KALRN: variants seen among roughly 807,000 people sequenced by gnomAD.
KALRN encodes kalirin.
Under a neutral mutation model 353.7 loss-of-function variants are expected in KALRN, and 70 were observed. That is an observed-to-expected ratio of 0.20 (90% CI 0.16 to 0.24). The LOEUF is 0.24. Among genes scored for constraint, KALRN ranks in the 10% least tolerant of loss-of-function variants. The pLI, the probability that KALRN is intolerant of heterozygous loss-of-function variation, is 1.00. For missense variants in KALRN, 2,791 were observed against 3,756.7 expected (o/e 0.74, Z 6.72); for synonymous variants, 1,391 against 1,434.8 (o/e 0.97, Z 0.69).
At chr3:124,221,959 C>T (rs1319526080) in intron 1 of KALRN, among the ~76,000 whole-genome samples, 1 of 152,118 alleles carries the variant, frequency 6.6e-6, no homozygotes, top group African/African-American at 2.4e-5. Context: ...GTGGGCGCAC[C>T]CCTCCTTTCT....
At chr3:124,368,136 G>A (rs1317587077) in intron 10 of KALRN, among the ~76,000 whole-genome samples, 4 of 83,064 alleles carry the variant, frequency 4.8e-5, no homozygotes, top group Admixed American at 2.3e-4. Flanking sequence ...GGCCAGGCGG[G>A]GGGCTGACCC....
At chr3:124,339,707 A>G (rs2149495729) in intron 9 of KALRN, among the ~76,000 whole-genome samples, 1 of 152,342 alleles carries the variant, frequency 6.6e-6, no homozygotes, top group Middle Eastern at 3.4e-3. Flanking sequence ...TAGATGCCTG[A>G]TGGCATATAG....
chr3:124,294,212 T>G (rs2149171078), intron 5 of KALRN, among the ~76,000 whole-genome samples: 1 of 152,068 alleles, frequency 6.6e-6, no homozygotes, highest in South Asian at 2.1e-4. Context: ...TTCAGCTAAC[T>G]TTTAGGGATA....
intron 1 of KALRN, among the ~76,000 whole-genome samples, chr3:124,092,697 A>G (rs2061190845): frequency 6.6e-6 from 1 of 152,206 alleles, no homozygotes. Flanking sequence ...CAGGGAGGAG[A>G]CAGATGGGCA....
At chr3:124,300,741 A>G (rs955187027) in intron 6 of KALRN, among the ~76,000 whole-genome samples, 2 of 152,222 alleles carry the variant, frequency 1.3e-5, no homozygotes, top group Non-Finnish European at 2.9e-5. Context: ...ACTTGCATAG[A>G]AAGATCACTC....
chr3:124,068,038 A>G (rs1028518311), intron 1 of KALRN, among the ~76,000 whole-genome samples: 1 of 152,234 alleles, frequency 6.6e-6, no homozygotes, highest in Non-Finnish European at 1.5e-5. Context: ...TATGGGGCCC[A>G]GCTAGACTTA....
At chr3:124,356,275 T>A (rs2083392920) in intron 10 of KALRN, among the ~76,000 whole-genome samples, 1 of 152,010 alleles carries the variant, frequency 6.6e-6, no homozygotes, top group East Asian at 1.9e-4. Context: ...CTGTATTATT[T>A]ATTGCTAAAT....
At chr3:124,580,947 A>ATAATAGTAAT (rs2074568043) in intron 34 of KALRN, among the ~76,000 whole-genome samples, 1 of 147,530 alleles carries the variant, frequency 6.8e-6, no homozygotes, top group African/African-American at 2.5e-5. Flanking sequence ...GTCTCTATTA[A>ATAATAGTAAT]AATAATAATA....
intron 34 of KALRN, among the ~76,000 whole-genome samples, chr3:124,604,772 A>T (rs2077154565): frequency 6.6e-6 from 1 of 151,870 alleles, no homozygotes; most frequent in Non-Finnish European, 1.5e-5. Context: ...CTGCAGCCTC[A>T]AACTACTGCA....
intron 1 of KALRN, among the ~76,000 whole-genome samples, chr3:124,215,893 C>T (rs1198584215): frequency 2.0e-5 from 3 of 152,206 alleles, no homozygotes; most frequent in Non-Finnish European, 4.4e-5. Context: ...TCCAGCAGAT[C>T]TTGTTAAACA....
rs1427983998 is a variant in KALRN, at chr3:124,662,331, G to A, written c.6345+403G>A. ...CAGCCCTCCCACCTCAGCCTCCTGA[G>A]AAGCTGGACTCCAGTCACACACCAC... On this transcript the variant is annotated intron_variant, in intron 45 of 59. Transcript: ENST00000682506. Among the ~76,000 whole-genome samples the A allele has an allele frequency of 2.6e-5, 4 of 151,072 alleles. No individual in the cohort carries two copies. In the East Asian group the frequency reaches 7.9e-4, roughly 30 times the overall value.
chr3:124,243,771 A>G (rs1462618383), intron 3 of KALRN, among the ~76,000 whole-genome samples: 3 of 152,228 alleles, frequency 2.0e-5, no homozygotes, highest in African/African-American at 4.8e-5. Context: ...TAAAATAGGC[A>G]TAAAGATATT....
chr3:124,418,034 G>C (rs1226298434), intron 14 of KALRN, among the ~76,000 whole-genome samples: 1 of 152,188 alleles, frequency 6.6e-6, no homozygotes, highest in Non-Finnish European at 1.5e-5. Context: ...AGTAGTGTTT[G>C]CTGAATTAAT....
At chr3:124,597,375 A>G (rs1036799873) in intron 34 of KALRN, among the ~76,000 whole-genome samples, 6 of 152,250 alleles carry the variant, frequency 3.9e-5, no homozygotes. Flanking sequence ...GCTAAAGACA[A>G]TAAGGGGAAC....
chr3:124,380,340 A>T (rs1047756885), intron 10 of KALRN, among the ~76,000 whole-genome samples: 2 of 152,204 alleles, frequency 1.3e-5, no homozygotes, highest in Admixed American at 6.5e-5. Flanking sequence ...AGGCTTCAGC[A>T]GAGTGTTTGA....
At chr3:124,052,328 G>A (rs2041121700) in intron 1 of KALRN, among the ~76,000 whole-genome samples, 1 of 152,158 alleles carries the variant, frequency 6.6e-6, no homozygotes, top group Non-Finnish European at 1.5e-5. Context: ...CTGGGCCTGT[G>A]TTAAAAAGCC....
chr3:124,588,185 A>G (rs2075404939), intron 34 of KALRN, among the ~76,000 whole-genome samples: 1 of 152,238 alleles, frequency 6.6e-6, no homozygotes, highest in Non-Finnish European at 1.5e-5. Flanking sequence ...AAAAACAACC[A>G]AAAGTGAGAT....
rs199874493 is a variant in KALRN, at chr3:124,175,226, T to TG, written c.74-52763dup. ...CAGACCAAGTTCTCTGCACTCAAGA[T>TG]GCGGAAGGAATATTAGGAATGGGAG... is the stretch of plus-strand genomic sequence containing the variant. On this transcript the variant is annotated intron_variant, in intron 1 of 59. Coordinates refer to ENST00000682506, the MANE Select transcript of KALRN (RefSeq NM_001388419.1). 6.9e-3 allele frequency among the ~76,000 whole-genome samples: 1,057 copies of TG among 152,338 alleles called. 11 individuals are homozygous for TG. Among genetic ancestry groups the TG allele is most frequent in the African/African-American group, 0.024 (1,002 of 41,574 alleles).
In KALRN at chr3:124,163,662, G is replaced by A. The variant is rs570394062; in HGVS notation, c.74-64328G>A. On this transcript the variant is annotated intron_variant, in intron 1 of 59. Transcript: ENST00000682506. The stretch of plus-strand genomic sequence containing the variant: ...AAGAAGAAAGGCTATAAAGGTAGAA[G>A]AATAAATGTATAAATATTACAACAG... 71 of 984,674 alleles carry A rather than the reference G, an allele frequency of 7.2e-5. 1 individual carries two copies. The African/African-American group carries it at 1.1e-3, about 16-fold the overall frequency. The allele number at this position is 984,674 out of a possible 1,614,324, so 61.0% of individuals were successfully genotyped here. A position where few individuals can be genotyped will look rare whatever the true frequency, so the allele number is the denominator to read the frequency against.
Sources: gnomAD v4.1 joint callset for allele counts (sites outside exome capture counted in the v4.1 genomes callset) on GRCh38, gnomAD v4.1.1 for gene constraint, MANE v1.5 for transcripts, NCBI Gene and HGNC (gene_info 2026-07-23, HGNC 2026-07-21) for gene names.